Variants in CEBPZ observed in about 807,000 individuals in gnomAD.
CEBPZ encodes the protein CCAAT/enhancer-binding protein zeta.
Under a neutral mutation model 104.5 loss-of-function variants are expected in CEBPZ, and 78 were observed. The observed-to-expected ratio is 0.75, with a 90% CI of 0.62 to 0.90. The LOEUF is 0.90. CEBPZ is among the 40% of genes least tolerant of loss of function. CEBPZ has a pLI of 0.00. For synonymous variants in CEBPZ, 470 were observed against 427.0 expected (o/e 1.10, Z -1.24); for missense variants, 1,439 against 1,233.5 (o/e 1.17, Z -2.50).
rs1469983001 is a variant in CEBPZ, at chr2:37,231,136, A to G, written c.156+276T>C. The G allele has an allele frequency of 4.0e-5, 24 of 599,598 alleles. No homozygotes were observed. The Admixed American group carries it at 5.1e-4, about 13-fold the overall frequency. 37.1% of individuals were successfully genotyped at this position (599,598 alleles called of 1,614,324 possible). The stretch of plus-strand genomic sequence containing the variant: ...CAGGACCAAGAAAAGCCACTCTCCG[A>G]CCTGATGGTGTGATGGTTATACCAC... On this transcript the variant is annotated intron_variant, in intron 1 of 15. Transcript: ENST00000234170.
At chr2:37,211,515 A>G (rs563659808) in intron 12 of CEBPZ, 1 of 264,722 alleles carries the variant, frequency 3.8e-6, no homozygotes, top group South Asian at 1.1e-4. Context: ...ATGCTGGGCT[A>G]TGATGAATAC....
At chr2:37,230,546 A>G (rs1040980439) in intron 1 of CEBPZ, among the ~76,000 whole-genome samples, 1 of 152,180 alleles carries the variant, frequency 6.6e-6, no homozygotes, top group South Asian at 2.1e-4. Flanking sequence ...TAACTCCTCC[A>G]CCTTGAAAGT....
intron 1 of CEBPZ, among the ~76,000 whole-genome samples, 198 bp from the exon 2 acceptor site, chr2:37,229,234 C>T (rs898985553): frequency 4.0e-5 from 6 of 151,524 alleles, no homozygotes; most frequent in African/African-American, 9.7e-5. Flanking sequence ...CACACACACA[C>T]GCACACACAC....
In CEBPZ at chr2:37,216,355, G is replaced by A. The variant is rs372407822; in HGVS notation, c.2272C>T (p.Arg758Ter). Reference sequence around the variant, plus strand: ...GGCTTTGGATTTCGGTATACAAATCGATCCAAAAATCTCATTAGAGTGAAA... The same window carrying A: ...GGCTTTGGATTTCGGTATACAAATCAATCCAAAAATCTCATTAGAGTGAAA... ...QDFTLMRFLD[R>*]FVYRNPKPHK... The change falls in exon 7 of 16, where the codon CGA (arginine) becomes TGA (stop). Residue 758 changes from arginine (R) to a stop codon, truncating the protein, a stop_gained. Coordinates refer to ENST00000234170, the MANE Select transcript of CEBPZ (RefSeq NM_005760.3). LOFTEE classifies it high-confidence loss of function. 2.5e-6 allele frequency: 4 copies of A among 1,613,710 alleles called. No individual in the cohort carries two copies. The highest frequency in any genetic ancestry group is 3.4e-6 in the Non-Finnish European group (4 of 1,179,840).
At chr2:37,216,020 TG>T in intron 8 of CEBPZ, 119 bp downstream of exon 8, 1 of 685,380 alleles carries the variant, frequency 1.5e-6, no homozygotes, top group East Asian at 3.0e-5. Context: ...GGAAAAAAGA[TG>T]GATAATGTCT....
At position 37,205,518 on chromosome 2, in the gene CEBPZ, C is replaced by T. The variant is rs946086845; in HGVS notation, c.2885-2510G>A. On this transcript the variant is annotated intron_variant, in intron 13 of 15. Coordinates refer to ENST00000234170, the MANE Select transcript of CEBPZ (RefSeq NM_005760.3). ...CCAAATCCTATAAAATGGCCCCACC[C>T]CTATCTCCCTTCACTGACTCTCTTT... Among the ~76,000 whole-genome samples, 3 of 152,174 alleles carry T rather than the reference C, an allele frequency of 2.0e-5. No homozygotes were observed. The South Asian group carries it at 6.2e-4, about 31-fold the overall frequency.
chr2:37,227,971 T>A lies in CEBPZ; in HGVS notation c.1222A>T (p.Thr408Ser), dbSNP rs770416296. Residue 408 changes from threonine (T) to serine (S), a missense_variant, in exon 2 of 16, where the codon ACA (threonine) becomes TCA (serine). By Grantham distance (58) the Thr-to-Ser change is moderately conservative. Coordinates refer to ENST00000234170, the MANE Select transcript of CEBPZ (RefSeq NM_005760.3). ...ATATTGGGATGTTTACAAAGTAATG[T>A]CTCTAACAGATGGGATGCTTTTGTG... Reference protein sequence around the residue: ...IATKASHLLETLLCKHPNMKG... With the variant: ...IATKASHLLESLLCKHPNMKG... 4 of 1,614,212 alleles carry A rather than the reference T, an allele frequency of 2.5e-6. No homozygotes were observed. The highest frequency in any genetic ancestry group is 2.2e-5 in the South Asian group (2 of 91,082).
At chr2:37,227,230 A>G (rs1325227025) in intron 2 of CEBPZ, among the ~76,000 whole-genome samples, 1 of 152,236 alleles carries the variant, frequency 6.6e-6, no homozygotes, top group Non-Finnish European at 1.5e-5. Flanking sequence ...TAATATCCCA[A>G]AAGATTTAAA....
At chr2:37,223,922 G>A (rs567953014) in intron 2 of CEBPZ, among the ~76,000 whole-genome samples, 182 of 152,328 alleles carry the variant, frequency 1.2e-3, no homozygotes, top group Non-Finnish European at 2.2e-3. Flanking sequence ...TGTACTAGCT[G>A]TGTAACATTC....
In CEBPZ at chr2:37,217,054, G is replaced by T. The variant is rs746383794; in HGVS notation, c.2155-17C>A. 8.8e-6 allele frequency: 14 copies of T among 1,598,316 alleles called. No homozygotes were observed. Among genetic ancestry groups the T allele is most frequent in the Non-Finnish European group, 4.3e-6 (5 of 1,166,146 alleles). ...CACAGATAACTAAAAAGAAAAATGT[G>T]AATAATATCAATATTTCTAAGGTCG... On this transcript the variant is annotated splice_polypyrimidine_tract_variant and intron_variant, in intron 5 of 15. Transcript: ENST00000234170.
intron 5 of CEBPZ, among the ~76,000 whole-genome samples, chr2:37,217,781 A>G (rs1458509073): frequency 1.3e-5 from 2 of 151,470 alleles, no homozygotes; most frequent in Non-Finnish European, 2.9e-5. Flanking sequence ...GGGTGCCTGT[A>G]GTCCCAGCTA....
At chr2:37,209,183 T>G (rs1179064165) in intron 13 of CEBPZ, 1 of 152,040 alleles carries the variant, frequency 6.6e-6, no homozygotes, top group Non-Finnish European at 1.5e-5. Context: ...TGTTCATGGA[T>G]GGGTAGAATC....
In CEBPZ at chr2:37,227,932, A is replaced by G; in HGVS notation, c.1261T>C (p.Ser421Pro). Residue 421 changes from serine (S) to proline (P), a missense_variant, in exon 2 of 16, where the codon TCT becomes CCT. By Grantham distance (74) the Ser-to-Pro change is moderately conservative (BLOSUM62 -1). Transcript: ENST00000234170. The stretch of plus-strand genomic sequence containing the variant: ...AAGAGTAGCCTTTCTACTTCACCAG[A>G]CACAACTCCTTTCATATTGGGATGT... ...CKHPNMKGVV[S>P]GEVERLLFRS... 6.2e-7 allele frequency: 1 copy of G among 1,614,214 alleles called. No individual in the cohort carries two copies. The highest frequency in any genetic ancestry group is 1.6e-4 in the Middle Eastern group (1 of 6,062).
Position 37,210,891 on chromosome 2 carries a change from C to T in CEBPZ, c.2884+108G>A, listed in dbSNP as rs531007625. 24 of 576,032 alleles carry T rather than the reference C, an allele frequency of 4.2e-5. No homozygotes were observed. In the East Asian group the frequency reaches 6.0e-4, roughly 14 times the overall value. 35.7% of individuals were successfully genotyped at this position (576,032 alleles called of 1,614,324 possible). A position where few individuals can be genotyped will look rare whatever the true frequency, so the allele number is the denominator to read the frequency against. On this transcript the variant is annotated intron_variant, in intron 13 of 15. Coordinates refer to ENST00000234170, the MANE Select transcript of CEBPZ (RefSeq NM_005760.3). ...CATCTTTCTTAAAAAGAACCCCCCCCACCCCTGAATTTTATTAATCAAATT... is the reference window on the plus strand; with the variant it reads ...CATCTTTCTTAAAAAGAACCCCCCCTACCCCTGAATTTTATTAATCAAATT...
Position 37,216,425 on chromosome 2 carries a change from AG to A in CEBPZ, c.2209-8del, listed in dbSNP as rs1677868377. The A allele has an allele frequency of 6.3e-7, 1 of 1,586,050 alleles. No homozygotes were observed. The highest frequency in any genetic ancestry group is 1.4e-5 in the African/African-American group (1 of 73,944). ...AATACTGAATATAGTTTCCCTGAAA[AG>A]TGGAGCGGGGATTTAAAAACTTAAT... is the stretch of plus-strand genomic sequence containing the variant. On this transcript the variant is annotated splice_region_variant and splice_polypyrimidine_tract_variant and intron_variant, in intron 6 of 15. Coordinates refer to ENST00000234170, the MANE Select transcript of CEBPZ (RefSeq NM_005760.3).
chr2:37,223,108 A>G, intron 3 of CEBPZ, 62 bp downstream of exon 3: 1 of 1,392,098 alleles, frequency 7.2e-7, no homozygotes, highest in South Asian at 1.3e-5. Flanking sequence ...GCAAAGAAAA[A>G]CAAAACAAAA....
At chr2:37,210,211 A>C (rs1558469831) in intron 13 of CEBPZ, 1 of 152,238 alleles carries the variant, frequency 6.6e-6, no homozygotes, top group Non-Finnish European at 1.5e-5. Flanking sequence ...TATGGTAAAC[A>C]GTATGGAGAG....
intron 5 of CEBPZ, among the ~76,000 whole-genome samples, chr2:37,219,270 TAGGTAGGCAGCAC>T (rs915071228): frequency 3.9e-5 from 6 of 152,300 alleles, no homozygotes; most frequent in African/African-American, 1.4e-4. Flanking sequence ...CTTCATGCTT[TAGGTAGGCAGCAC>T]AGGTATGTTA....
Position 37,223,246 on chromosome 2 carries a change from A to T in CEBPZ, c.1805T>A (p.Ile602Lys). Residue 602 changes from isoleucine (I) to lysine (K), a missense_variant, in exon 3 of 16, where the codon ATA (isoleucine) becomes AAA (lysine). By Grantham distance (102) the Ile-to-Lys change is moderately radical. Coordinates refer to ENST00000234170, the MANE Select transcript of CEBPZ (RefSeq NM_005760.3). ...QVTCQQMPPFICGALYLVSEI... is the reference protein window; with the variant it reads ...QVTCQQMPPFKCGALYLVSEI... ...AGACACAAGATATAAAGCTCCACAT[A>T]TAAATGGTGGCATCTGTTGACAAGT... 1 of 1,614,192 alleles carries T rather than the reference A, an allele frequency of 6.2e-7. No individual in the cohort carries two copies. Among genetic ancestry groups the T allele is most frequent in the East Asian group, 2.2e-5 (1 of 44,884 alleles).
Sources: allele counts gnomAD v4.1 joint callset (sites outside exome capture counted in the v4.1 genomes callset), GRCh38; gene constraint gnomAD v4.1.1; transcripts MANE v1.5; gene names NCBI Gene and HGNC (gene_info 2026-07-23, HGNC 2026-07-21).